Variants in NTRK3 observed in about 807,000 individuals in gnomAD.
The protein encoded by NTRK3 is NT-3 growth factor receptor.
In NTRK3, 24 loss-of-function variants were observed where a neutral mutation model predicts 91.7. The ratio of observed to expected loss-of-function variants is 0.26; its 90% CI spans 0.19 to 0.37. NTRK3 has a LOEUF of 0.37. Ranked by LOEUF, NTRK3 falls within the 10% of genes least tolerant of loss-of-function variation. The probability of loss-of-function intolerance (pLI) is 1.00; values close to 1 mark genes in which losing one functional copy is unlikely to be tolerated. For synonymous variants in NTRK3, 483 were observed against 404.0 expected (o/e 1.20, Z -2.34); for missense variants, 880 against 1,068.9 (o/e 0.82, Z 2.46).
At chr15:87,867,940 AG>A (rs1454271922) in exon 19 of NTRK3, 10 of 228,692 alleles carry the variant, frequency 4.4e-5, no homozygotes, top group African/African-American at 2.2e-4. Context: ...AAGAAACTCA[AG>A]ATGTAGTCTC....
intron 5 of NTRK3, among the ~76,000 whole-genome samples, chr15:88,151,334 G>A (rs1454601564): frequency 6.6e-6 from 1 of 152,118 alleles, no homozygotes; most frequent in Non-Finnish European, 1.5e-5. Flanking sequence ...TGGCTACTGG[G>A]TGCTCCGGGA....
chr15:88,206,521 G>A (rs1453294924), intron 3 of NTRK3, among the ~76,000 whole-genome samples: 3 of 150,662 alleles, frequency 2.0e-5, no homozygotes, highest in African/African-American at 7.3e-5. Flanking sequence ...AGCCGGGCGC[G>A]GTGGCGGGCG....
chr15:88,129,782 G>T (rs183941617), intron 10 of NTRK3, among the ~76,000 whole-genome samples: 1 of 152,284 alleles, frequency 6.6e-6, no homozygotes, highest in African/African-American at 2.4e-5. Context: ...ACAAAACAAT[G>T]ATAGTCCTGG....
chr15:87,977,041 T>G (rs2073784939), intron 14 of NTRK3, among the ~76,000 whole-genome samples: 2 of 152,138 alleles, frequency 1.3e-5, no homozygotes, highest in African/African-American at 2.4e-5. Flanking sequence ...GTGGCCTGAG[T>G]AGTGTCTGTA....
intron 6 of NTRK3, among the ~76,000 whole-genome samples, chr15:88,146,921 G>A (rs1366444426): frequency 6.6e-6 from 1 of 151,944 alleles, no homozygotes; most frequent in Non-Finnish European, 1.5e-5. Flanking sequence ...AAAATGCAGA[G>A]AATAATAATA....
rs779085190 is a variant in NTRK3, at chr15:88,043,138, G to A, written c.1397-10093C>T. Among the ~76,000 whole-genome samples the A allele has an allele frequency of 4.6e-5, 7 of 152,298 alleles. No individual in the cohort carries two copies. The East Asian group carries it at 7.7e-4, about 17-fold the overall frequency. ...AGAAATTCATAGCACAGGAATGGCC[G>A]GCAGCAAGGGGTCTGAGAATGTCAA... On this transcript the variant is annotated intron_variant, in intron 13 of 18. Coordinates refer to ENST00000394480, the Ensembl canonical transcript of NTRK3.
At chr15:88,085,948 T>C (rs541002034) in intron 13 of NTRK3, among the ~76,000 whole-genome samples, 2 of 152,306 alleles carry the variant, frequency 1.3e-5, no homozygotes, top group South Asian at 2.1e-4. Context: ...AAAATGATAG[T>C]ATGTGATACA....
At chr15:88,219,313 A>T (rs1004415331) in intron 3 of NTRK3, among the ~76,000 whole-genome samples, 1 of 152,228 alleles carries the variant, frequency 6.6e-6, no homozygotes, top group Non-Finnish European at 1.5e-5. Flanking sequence ...TTTGGGTACA[A>T]CTGGGCTGTC....
chr15:88,164,477 C>T (rs933683958), intron 5 of NTRK3, among the ~76,000 whole-genome samples: 2 of 152,344 alleles, frequency 1.3e-5, no homozygotes, highest in Middle Eastern at 3.4e-3. Context: ...TTCATCAGAA[C>T]TCTTCCATTC....
rs756395964 is a variant in NTRK3, at chr15:88,104,045, T to G, written c.1396+22226A>C. ...ATAAGGGACCTCCTCTTCCCCCAAA[T>G]AGCCAGGCATCTGGAAGAAGACATC... On this transcript the variant is annotated intron_variant, in intron 13 of 18. Coordinates refer to ENST00000394480, the Ensembl canonical transcript of NTRK3. Among the ~76,000 whole-genome samples, 15 of 152,190 alleles carry G rather than the reference T, an allele frequency of 9.9e-5. 1 individual carries two copies. Among genetic ancestry groups the G allele is most frequent in the Non-Finnish European group, 1.6e-4 (11 of 68,024 alleles).
chr15:87,931,111 G>A (rs2068756752), intron 16 of NTRK3: 2 of 417,604 alleles, frequency 4.8e-6, no homozygotes, highest in African/African-American at 2.1e-5. Flanking sequence ...TTTACTCTAG[G>A]CTCTCACTCT....
chr15:88,105,219 C>T (rs567052736), intron 13 of NTRK3, among the ~76,000 whole-genome samples: 1 of 152,192 alleles, frequency 6.6e-6, no homozygotes, highest in Admixed American at 6.5e-5. Flanking sequence ...TTATTCTTAA[C>T]GTTGCCAATT....
At chr15:87,911,505 C>T (rs1030485895) in intron 17 of NTRK3, among the ~76,000 whole-genome samples, 4 of 152,186 alleles carry the variant, frequency 2.6e-5, no homozygotes, top group Admixed American at 6.5e-5. Flanking sequence ...TCTTGTAGGA[C>T]GGTCTGTTCC....
At chr15:87,895,926 G>T (rs2066095675) in intron 17 of NTRK3, among the ~76,000 whole-genome samples, 1 of 151,628 alleles carries the variant, frequency 6.6e-6, no homozygotes, top group Non-Finnish European at 1.5e-5. Flanking sequence ...TCAACCAATT[G>T]TCAACCAGAA....
chr15:87,884,543 C>T (rs2065428984), intron 17 of NTRK3, among the ~76,000 whole-genome samples: 1 of 151,684 alleles, frequency 6.6e-6, no homozygotes, highest in African/African-American at 2.4e-5. Flanking sequence ...TAAATATCAA[C>T]ATACATAGTT....
intron 13 of NTRK3, among the ~76,000 whole-genome samples, chr15:88,047,137 C>T (rs921601386): frequency 1.3e-5 from 2 of 152,134 alleles, no homozygotes; most frequent in Admixed American, 6.5e-5. Flanking sequence ...CATAAACATA[C>T]CGGAAATCCC....
chr15:88,054,966 C>A (rs1197117987), intron 13 of NTRK3, among the ~76,000 whole-genome samples: 2 of 152,046 alleles, frequency 1.3e-5, no homozygotes, highest in East Asian at 3.9e-4. Context: ...CCACACCAAG[C>A]AGGTAGAAAT....
intron 13 of NTRK3, among the ~76,000 whole-genome samples, chr15:88,078,384 G>A (rs147355028): frequency 1.0e-3 from 159 of 152,314 alleles, no homozygotes; most frequent in African/African-American, 3.5e-3. Flanking sequence ...GGCCTGGTGC[G>A]GTGGCTCACG....
chr15:87,990,875 T>G (rs1233904015), intron 14 of NTRK3, among the ~76,000 whole-genome samples: 1 of 152,202 alleles, frequency 6.6e-6, no homozygotes, highest in Non-Finnish European at 1.5e-5. Context: ...CCATTTGTTT[T>G]CATCCCATTT....
Sources: allele counts gnomAD v4.1 joint callset (sites outside exome capture counted in the v4.1 genomes callset), GRCh38; gene constraint gnomAD v4.1.1; transcripts MANE v1.5; gene names NCBI Gene and HGNC (gene_info 2026-07-23, HGNC 2026-07-21).